Variants in RARB observed in about 807,000 individuals in gnomAD.
RARB encodes the protein retinoic acid receptor beta, also known as HBV-activated protein.
RARB carries 17 observed loss-of-function variants against 51.9 expected under a neutral mutation model. The observed-to-expected ratio is 0.33, with a 90% CI of 0.22 to 0.49. The LOEUF (loss-of-function observed/expected upper bound fraction) is 0.49. RARB is among the 20% of genes least tolerant of loss of function. RARB has a pLI of 0.99. For synonymous variants in RARB, 215 were observed against 195.4 expected (o/e 1.10, Z -0.84); for missense variants, 369 against 550.8 (o/e 0.67, Z 3.30).
chr3:25,467,647 A>C (rs1330569213), intron 2 of RARB, among the ~76,000 whole-genome samples: 2 of 152,214 alleles, frequency 1.3e-5, no homozygotes, highest in Non-Finnish European at 2.9e-5. Flanking sequence ...TGAAGAAATA[A>C]ACTTCACCTC....
intron 2 of RARB, among the ~76,000 whole-genome samples, chr3:25,485,787 C>T (rs1386393508): frequency 6.6e-6 from 1 of 152,110 alleles, no homozygotes; most frequent in Non-Finnish European, 1.5e-5. Flanking sequence ...ACTCTGGTTC[C>T]CTTCGGGAAC....
At chr3:25,208,331 T>C (rs565812637) in intron 5 of RARB, among the ~76,000 whole-genome samples, 1 of 152,270 alleles carries the variant, frequency 6.6e-6, no homozygotes, top group Non-Finnish European at 1.5e-5. Context: ...ATTCTGAAAT[T>C]TTGAATATAA....
chr3:25,443,030 G>A (rs1708766909), intron 1 of RARB, among the ~76,000 whole-genome samples: 1 of 152,074 alleles, frequency 6.6e-6, no homozygotes, highest in African/African-American at 2.4e-5. Context: ...AATACCATGA[G>A]CTCTCCCCCG....
chr3:25,228,188 G>A (rs1702096883), intron 5 of RARB, among the ~76,000 whole-genome samples: 1 of 143,904 alleles, frequency 6.9e-6, no homozygotes. Context: ...TTTTTCATTG[G>A]AAAGTTTTCA....
chr3:25,262,797 G>A (rs12632391), intron 5 of RARB, among the ~76,000 whole-genome samples: 67,732 of 151,966 alleles, frequency 0.45, 15,978 homozygotes, highest in East Asian at 0.68. Context: ...TTTTTAGGAG[G>A]TAGGACTTGG....
At chr3:25,066,444 C>G (rs997681575) in intron 3 of RARB, among the ~76,000 whole-genome samples, 1 of 152,038 alleles carries the variant, frequency 6.6e-6, no homozygotes, top group Non-Finnish European at 1.5e-5. Context: ...TAATTTGTGC[C>G]CTATTCTTCC....
chr3:25,338,604 T>A (rs990109915), intron 5 of RARB, among the ~76,000 whole-genome samples: 3 of 152,190 alleles, frequency 2.0e-5, no homozygotes, highest in Non-Finnish European at 2.9e-5. Context: ...ATAGGGAAGT[T>A]CAAAAGAAAA....
At chr3:25,497,263 A>G (rs1301716084) in intron 2 of RARB, among the ~76,000 whole-genome samples, 3 of 137,518 alleles carry the variant, frequency 2.2e-5, no homozygotes, top group Non-Finnish European at 3.1e-5. Context: ...CAGCACAGAT[A>G]CCTGCCTGAG....
intron 3 of RARB, among the ~76,000 whole-genome samples, chr3:25,069,716 C>T (rs577972980): frequency 6.6e-6 from 1 of 152,296 alleles, no homozygotes; most frequent in African/African-American, 2.4e-5. Context: ...GAGGGGGAGG[C>T]AGGGAAAGTT....
chr3:24,847,511 G>A (rs1702499927), intron 1 of RARB, among the ~76,000 whole-genome samples: 1 of 152,196 alleles, frequency 6.6e-6, no homozygotes, highest in Non-Finnish European at 1.5e-5. Flanking sequence ...TAAACAGTGG[G>A]AAATTGTTTC....
chr3:25,513,361 A>G (rs1005163968), intron 3 of RARB, among the ~76,000 whole-genome samples: 4 of 152,056 alleles, frequency 2.6e-5, no homozygotes, highest in Non-Finnish European at 5.9e-5. Context: ...AAGAAAGAAA[A>G]GGGTACCTAA....
At chr3:24,874,761 T>C (rs1486776671) in intron 2 of RARB, among the ~76,000 whole-genome samples, 2 of 152,026 alleles carry the variant, frequency 1.3e-5, no homozygotes, top group African/African-American at 2.4e-5. Flanking sequence ...TGTAGTTCAT[T>C]TATGTTGATG....
In RARB at chr3:25,189,029, T is replaced by A. The variant is rs13318545; in HGVS notation, c.178+14454T>A. 5.5e-3 allele frequency among the ~76,000 whole-genome samples: 840 copies of A among 152,254 alleles called. 12 individuals carry two copies. The highest frequency in any genetic ancestry group is 0.019 in the African/African-American group (791 of 41,552). On this transcript the variant is annotated intron_variant, in intron 5 of 11. Transcript: ENST00000383772. ...CCCAAGAAGAGGAGTCACAAAGTCA[T>A]ATAGTTGACAGAGTTCATAAAATGA...
At position 24,989,823 on chromosome 3, in the gene RARB, C is replaced by T. The variant is rs1356249235; in HGVS notation, c.-379-70302C>T. The stretch of plus-strand genomic sequence containing the variant: ...TTTTTTTTTTTTTGAGACGGAGTCT[C>T]GCTCTGTCGCCCAGGCTGGACTGCG... On this transcript the variant is annotated intron_variant, in intron 2 of 11. Transcript: ENST00000383772. Among the ~76,000 whole-genome samples, 125 of 61,660 alleles carry T rather than the reference C, an allele frequency of 2.0e-3. 23 individuals are homozygous for T. The highest frequency in any genetic ancestry group is 7.6e-3 in the African/African-American group (112 of 14,762). The allele number at this position is 61,660 out of a possible 152,430, so 40.5% of individuals were successfully genotyped here.
At chr3:25,163,504 A>AATATATATATATATATATATATAT (rs138389529) in intron 4 of RARB, among the ~76,000 whole-genome samples, 113 of 131,058 alleles carry the variant, frequency 8.6e-4, no homozygotes, top group African/African-American at 1.3e-3. Context: ...CCTATCTCAA[A>AATATATATATATATATATATATAT]ATATATATAT....
At chr3:24,865,930 G>T (rs760354387) in intron 2 of RARB, among the ~76,000 whole-genome samples, 1 of 151,960 alleles carries the variant, frequency 6.6e-6, no homozygotes. Context: ...ATAATATAAC[G>T]ACATTTGGCC....
intron 4 of RARB, among the ~76,000 whole-genome samples, chr3:25,577,734 G>A (rs1037270067): frequency 1.3e-5 from 2 of 152,224 alleles, no homozygotes; most frequent in African/African-American, 4.8e-5. Context: ...GCAGCCCGTT[G>A]CAGCAGAGAA....
At chr3:25,179,620 T>C (rs2125356407) in intron 5 of RARB, among the ~76,000 whole-genome samples, 1 of 152,328 alleles carries the variant, frequency 6.6e-6, no homozygotes, top group South Asian at 2.1e-4. Flanking sequence ...TTGTCCATTT[T>C]ACCTCCCTCA....
intron 3 of RARB, among the ~76,000 whole-genome samples, chr3:25,565,641 C>T (rs1035701780): frequency 2.0e-5 from 3 of 152,176 alleles, no homozygotes; most frequent in South Asian, 2.1e-4. Context: ...GGTGCCACTG[C>T]GATGGCTTCT....
Sources: allele counts gnomAD v4.1 joint callset (sites outside exome capture counted in the v4.1 genomes callset), GRCh38; gene constraint gnomAD v4.1.1; transcripts MANE v1.5; gene names NCBI Gene and HGNC (gene_info 2026-07-23, HGNC 2026-07-21).